EIF2B3: variants seen among roughly 807,000 people sequenced by gnomAD.
EIF2B3 encodes the protein translation initiation factor eIF2B subunit gamma.
A neutral mutation model predicts 54.1 loss-of-function variants in EIF2B3; 20 were observed. That is an observed-to-expected ratio of 0.37 (90% confidence interval 0.26 to 0.54). The LOEUF (loss-of-function observed/expected upper bound fraction) is 0.54, where lower values mean the gene tolerates loss of function less well. Ranked by LOEUF, EIF2B3 falls within the 20% of genes least tolerant of loss-of-function variation. The pLI is 0.86. For missense variants in EIF2B3, 448 were observed against 547.8 expected (o/e 0.82, Z 1.82); for synonymous variants, 153 against 188.1 (o/e 0.81, Z 1.52).
intron 8 of EIF2B3, among the ~76,000 whole-genome samples, chr1:44,876,582 G>GC (rs756084271): frequency 1.6e-4 from 2 of 12,442 alleles, no homozygotes; most frequent in Admixed American, 1.0e-3. Flanking sequence ...GTGGGGGTCA[G>GC]CCCCCCACCC....
chr1:44,857,896 G>T, intron 10 of EIF2B3, 89 bp from the exon 11 acceptor site: 1 of 1,232,520 alleles, frequency 8.1e-7, no homozygotes, highest in African/African-American at 1.5e-5. Context: ...TCCTCCCTAG[G>T]CCAGGAACAG....
chr1:44,931,722 C>T (rs557252700), intron 4 of EIF2B3, among the ~76,000 whole-genome samples: 1 of 152,326 alleles, frequency 6.6e-6, no homozygotes, highest in Admixed American at 6.5e-5. Flanking sequence ...TTGATAGATG[C>T]AGAAAAAGCA....
At chr1:44,919,377 C>T (rs1643691034) in intron 5 of EIF2B3, among the ~76,000 whole-genome samples, 2 of 151,764 alleles carry the variant, frequency 1.3e-5, no homozygotes, top group Admixed American at 6.6e-5. Context: ...TTAGTTACAG[C>T]TGAACCACAC....
At chr1:44,975,841 C>T (rs1254952780) in intron 3 of EIF2B3, among the ~76,000 whole-genome samples, 1 of 151,952 alleles carries the variant, frequency 6.6e-6, no homozygotes, top group African/African-American at 2.4e-5. Context: ...TGGTGGCACA[C>T]ACCTGTAATC....
intron 4 of EIF2B3, among the ~76,000 whole-genome samples, chr1:44,936,033 C>T (rs186582690): frequency 9.6e-4 from 145 of 151,688 alleles, no homozygotes; most frequent in Non-Finnish European, 1.7e-3. Flanking sequence ...GATCTCTTCA[C>T]CCTTTCACTC....
At chr1:44,927,068 A>G (rs1643862703) in intron 4 of EIF2B3, among the ~76,000 whole-genome samples, 1 of 151,568 alleles carries the variant, frequency 6.6e-6, no homozygotes, top group Admixed American at 6.6e-5. Context: ...CGGGAGGTGG[A>G]GGTTGCAGTG....
intron 5 of EIF2B3, among the ~76,000 whole-genome samples, chr1:44,909,967 A>G (rs1643480965): frequency 6.6e-6 from 1 of 152,188 alleles, no homozygotes; most frequent in Admixed American, 6.5e-5. Context: ...TTGACTCCCC[A>G]GATATAGATG....
At chr1:44,870,034 T>C (rs553436796) in intron 10 of EIF2B3, among the ~76,000 whole-genome samples, 3 of 152,052 alleles carry the variant, frequency 2.0e-5, no homozygotes, top group Non-Finnish European at 2.9e-5. Context: ...ACTAAAAATA[T>C]AGTGGCACAT....
In EIF2B3 at chr1:44,874,779, C is replaced by A; in HGVS notation, c.1101G>T (p.Lys367Asn). 6.2e-7 allele frequency: 1 copy of A among 1,614,118 alleles called. No homozygotes were observed. The change falls in exon 10 of 12, where the codon AAG becomes AAT. Residue 367 changes from lysine (K) to asparagine (N), a missense_variant. Transcript: ENST00000360403. ...CAATGACTGAGCGCTTAATGGATGA[C>A]TTCTCTCCAATCTGTGTCTCTGGCC... ...LIGPETQIGE[K>N]SSIKRSVIGS...
intron 6 of EIF2B3, among the ~76,000 whole-genome samples, chr1:44,886,227 C>T (rs1655579962): frequency 1.3e-5 from 2 of 151,684 alleles, no homozygotes. Context: ...TTACAGGCAC[C>T]TGCCACCATG....
chr1:44,867,345 T>C (rs1654813666), intron 10 of EIF2B3, among the ~76,000 whole-genome samples: 1 of 152,116 alleles, frequency 6.6e-6, no homozygotes, highest in Admixed American at 6.6e-5. Flanking sequence ...TCATATAAAA[T>C]GCCAGAACAT....
intron 5 of EIF2B3, among the ~76,000 whole-genome samples, chr1:44,915,362 A>C (rs1643601368): frequency 6.6e-6 from 1 of 152,114 alleles, no homozygotes; most frequent in South Asian, 2.1e-4. Flanking sequence ...TCTAGGCTGG[A>C]ATGCAATGGC....
chr1:44,950,821 T>C (rs1029752576), intron 3 of EIF2B3, among the ~76,000 whole-genome samples: 4 of 152,124 alleles, frequency 2.6e-5, no homozygotes, highest in Non-Finnish European at 4.4e-5. Flanking sequence ...CCAGAGTAGC[T>C]AGGATTACAG....
intron 1 of EIF2B3, among the ~76,000 whole-genome samples, chr1:44,985,466 A>G (rs572123111): frequency 5.3e-5 from 8 of 152,346 alleles, no homozygotes; most frequent in Non-Finnish European, 1.0e-4. Flanking sequence ...ATGTCTCTTA[A>G]ATGTCTACAT....
At chr1:44,964,733 G>A (rs1644319309) in intron 3 of EIF2B3, among the ~76,000 whole-genome samples, 1 of 152,212 alleles carries the variant, frequency 6.6e-6, no homozygotes, top group Admixed American at 6.5e-5. Flanking sequence ...CAGGGTAAAT[G>A]AGGCTTGCTT....
At chr1:44,904,755 T>C (rs1254514378) in intron 5 of EIF2B3, among the ~76,000 whole-genome samples, 1 of 152,104 alleles carries the variant, frequency 6.6e-6, no homozygotes, top group East Asian at 1.9e-4. Context: ...CCTCGTGATC[T>C]GCCCACCTCG....
intron 6 of EIF2B3, among the ~76,000 whole-genome samples, chr1:44,894,339 G>A (rs1655896859): frequency 6.6e-6 from 1 of 152,160 alleles, no homozygotes; most frequent in Non-Finnish European, 1.5e-5. Flanking sequence ...AGAGAGTACA[G>A]ATTTTCTTCT....
chr1:44,964,317 A>G (rs2148956038), intron 3 of EIF2B3, among the ~76,000 whole-genome samples: 1 of 152,196 alleles, frequency 6.6e-6, no homozygotes, highest in East Asian at 1.9e-4. Flanking sequence ...AAAGTCTTTA[A>G]GCAAGTTGGG....
At chr1:44,958,787 G>T in intron 3 of EIF2B3, 1 of 1,400,640 alleles carries the variant, frequency 7.1e-7, no homozygotes. Context: ...CTATGGTATT[G>T]GCAGGACTGC....
Sources: allele counts gnomAD v4.1 joint callset (sites outside exome capture counted in the v4.1 genomes callset), GRCh38; gene constraint gnomAD v4.1.1; transcripts MANE v1.5; gene names NCBI Gene and HGNC (gene_info 2026-07-23, HGNC 2026-07-21).